Variants in AK5 observed in about 807,000 individuals in gnomAD.
AK5 encodes adenylate kinase 5.
A neutral mutation model predicts 69.5 loss-of-function variants in AK5; 27 were observed. The observed-to-expected ratio is 0.39, with a 90% CI of 0.29 to 0.54. AK5 has a LOEUF of 0.54. Ranked by LOEUF, AK5 falls within the 20% of genes least tolerant of loss-of-function variation. The probability of loss-of-function intolerance (pLI) is 0.71; values close to 1 mark genes in which losing one functional copy is unlikely to be tolerated. For missense variants in AK5, 531 were observed against 700.4 expected, an observed-to-expected ratio of 0.76 and a Z score of 2.73; for synonymous variants, 260 against 244.4, an observed-to-expected ratio of 1.06 and a Z score of -0.60.
chr1:77,457,561 C>T (rs1237804478), intron 8 of AK5, among the ~76,000 whole-genome samples: 2 of 152,082 alleles, frequency 1.3e-5, no homozygotes, highest in Non-Finnish European at 2.9e-5. Context: ...CTTTCTTTAA[C>T]TGTTCCTTTT....
intron 12 of AK5, among the ~76,000 whole-genome samples, chr1:77,522,911 A>T (rs1300569516): frequency 4.6e-5 from 7 of 151,988 alleles, no homozygotes; most frequent in Admixed American, 2.6e-4. Flanking sequence ...ACCTTTTTAG[A>T]TAGATAGGGG....
At chr1:77,509,544 T>C (rs969793959) in intron 10 of AK5, among the ~76,000 whole-genome samples, 3 of 152,124 alleles carry the variant, frequency 2.0e-5, no homozygotes, top group African/African-American at 7.2e-5. Flanking sequence ...ATAATTTTTC[T>C]CAGAAAAGAG....
intron 6 of AK5, among the ~76,000 whole-genome samples, chr1:77,388,567 TTTGTTGTTG>T (rs3032910): frequency 6.6e-6 from 1 of 151,074 alleles, no homozygotes; most frequent in African/African-American, 2.4e-5. Context: ...TTTTGGTTGT[TTTGTTGTTG>T]TTGTTGTTGT....
chr1:77,459,763 A>G (rs187249780), intron 8 of AK5, among the ~76,000 whole-genome samples: 1 of 152,344 alleles, frequency 6.6e-6, no homozygotes, highest in Non-Finnish European at 1.5e-5. Context: ...CATGGTGGCT[A>G]TCATTATTAT....
At chr1:77,299,091 A>T (rs1206009195) in intron 5 of AK5, among the ~76,000 whole-genome samples, 1 of 152,156 alleles carries the variant, frequency 6.6e-6, no homozygotes, top group Non-Finnish European at 1.5e-5. Context: ...TTTCCAAGTT[A>T]TATCAATGTT....
chr1:77,429,998 G>A (rs1329618512), intron 8 of AK5, among the ~76,000 whole-genome samples: 6 of 152,144 alleles, frequency 3.9e-5, no homozygotes, highest in Admixed American at 1.3e-4. Context: ...GAGCAATGGG[G>A]AACCTTGAAG....
At chr1:77,511,787 G>A (rs1462215427) in intron 10 of AK5, among the ~76,000 whole-genome samples, 7 of 152,338 alleles carry the variant, frequency 4.6e-5, no homozygotes, top group African/African-American at 1.7e-4. Flanking sequence ...CCATAGAACT[G>A]AAGTAGGGCA....
At chr1:77,302,666 C>T (rs145190888) in intron 5 of AK5, among the ~76,000 whole-genome samples, 1 of 152,284 alleles carries the variant, frequency 6.6e-6, no homozygotes, top group Non-Finnish European at 1.5e-5. Context: ...TGGAGGTATA[C>T]AGGCAGTTGG....
chr1:77,310,500 C>T (rs920022338), intron 5 of AK5, among the ~76,000 whole-genome samples: 4 of 152,118 alleles, frequency 2.6e-5, no homozygotes, highest in African/African-American at 9.7e-5. Context: ...CCGCCTCAGC[C>T]TCCCGAGTAG....
At chr1:77,399,397 C>T (rs1399528659) in intron 6 of AK5, among the ~76,000 whole-genome samples, 1 of 152,148 alleles carries the variant, frequency 6.6e-6, no homozygotes, top group Admixed American at 6.5e-5. Flanking sequence ...TGAAACCGAG[C>T]CTCTCCCTTC....
intron 10 of AK5, among the ~76,000 whole-genome samples, chr1:77,504,415 C>T (rs1656909044): frequency 7.0e-6 from 1 of 143,670 alleles, no homozygotes; most frequent in South Asian, 2.2e-4. Context: ...TTATATTCCT[C>T]TTAGTTTTTT....
chr1:77,494,679 C>T (rs539710324), intron 10 of AK5, among the ~76,000 whole-genome samples: 13 of 152,258 alleles, frequency 8.5e-5, no homozygotes, highest in South Asian at 2.1e-4. Flanking sequence ...AAACCCCATC[C>T]TCTAGCCTAA....
chr1:77,402,902 A>G (rs974301122), intron 6 of AK5, among the ~76,000 whole-genome samples: 23 of 152,214 alleles, frequency 1.5e-4, no homozygotes, highest in Non-Finnish European at 3.2e-4. Context: ...GCTAGTTTAC[A>G]GTCCCACCAA....
At chr1:77,498,692 C>G (rs1656512237) in intron 10 of AK5, among the ~76,000 whole-genome samples, 1 of 152,140 alleles carries the variant, frequency 6.6e-6, no homozygotes, top group Non-Finnish European at 1.5e-5. Context: ...TGTAGGTACT[C>G]TATGCAGAGT....
rs377483838 is a variant in AK5 at position 77,391,483 on chromosome 1, A to ATG, written c.892-19486_892-19485dup. On this transcript the variant is annotated intron_variant, in intron 6 of 13. Coordinates refer to ENST00000354567, the MANE Select transcript of AK5 (RefSeq NM_174858.3). ...TATATATACACATATGTGTGTGTGT[A>ATG]TGTGTGTGTGTGTATATATATATAT... Among the ~76,000 whole-genome samples, 417 of 92,076 alleles carry ATG rather than the reference A, an allele frequency of 4.5e-3. 1 individual carries two copies. The highest frequency in any genetic ancestry group is 9.8e-3 in the South Asian group (23 of 2,348). 60.4% of individuals were successfully genotyped at this position (92,076 alleles called of 152,430 possible). A position where few individuals can be genotyped will look rare whatever the true frequency, so the allele number is the denominator to read the frequency against.
In AK5 at chr1:77,468,895, G is replaced by C. The variant is rs550625634; in HGVS notation, c.1060-14422G>C. Among the ~76,000 whole-genome samples the C allele has an allele frequency of 8.5e-5, 13 of 152,310 alleles. No individual in the cohort carries two copies. The South Asian group carries it at 1.0e-3, about 12-fold the overall frequency. ...GCTTTTGAGTTCAACACGTTTCCAG[G>C]AGGCACAGAGCTAGGCTAGGTCACT... On this transcript the variant is annotated intron_variant, in intron 8 of 13. Coordinates refer to ENST00000354567, the MANE Select transcript of AK5 (RefSeq NM_174858.3).
At chr1:77,391,624 A>G (rs1297728915) in intron 6 of AK5, among the ~76,000 whole-genome samples, 1 of 151,236 alleles carries the variant, frequency 6.6e-6, no homozygotes, top group Non-Finnish European at 1.5e-5. Context: ...CAAAAAAAAG[A>G]CACTGAAGAA....
At chr1:77,512,986 T>TC (rs1342220277) in intron 10 of AK5, among the ~76,000 whole-genome samples, 1 of 151,998 alleles carries the variant, frequency 6.6e-6, no homozygotes, top group Non-Finnish European at 1.5e-5. Flanking sequence ...GGTGATTATT[T>TC]CCCCCCATTT....
chr1:77,372,632 C>T (rs17100463), intron 6 of AK5, among the ~76,000 whole-genome samples: 17,539 of 152,152 alleles, frequency 0.12, 1,116 homozygotes, highest in Middle Eastern at 0.14. Flanking sequence ...TACCAAATCA[C>T]TTTGGATATA....
Sources: gnomAD v4.1 joint callset for allele counts (sites outside exome capture counted in the v4.1 genomes callset) on GRCh38, gnomAD v4.1.1 for gene constraint, MANE v1.5 for transcripts, NCBI Gene and HGNC (gene_info 2026-07-23, HGNC 2026-07-21) for gene names.